WRN: variants seen among roughly 807,000 people sequenced by gnomAD.
The protein encoded by WRN is bifunctional 3'-5' exonuclease/ATP-dependent helicase WRN.
WRN carries 149 observed loss-of-function variants against 180.7 expected under a neutral mutation model. The ratio of observed to expected loss-of-function variants is 0.82; its 90% CI spans 0.72 to 0.94. The LOEUF is 0.94. WRN is among the 40% of genes least tolerant of loss of function. The probability of loss-of-function intolerance (pLI) is 0.00; values close to 1 mark genes in which losing one functional copy is unlikely to be tolerated. For missense variants in WRN, 1,661 were observed against 1,700.1 expected (o/e 0.98, Z 0.40); for synonymous variants, 548 against 568.9 (o/e 0.96, Z 0.52).
At chr8:31,063,329 A>G (rs1208630146) in intron 3 of WRN, among the ~76,000 whole-genome samples, 2 of 152,156 alleles carry the variant, frequency 1.3e-5, no homozygotes, top group Non-Finnish European at 1.5e-5. Flanking sequence ...ATATCTTACT[A>G]TGTTTCATTA....
intron 28 of WRN, among the ~76,000 whole-genome samples, chr8:31,144,229 T>C (rs1169191607): frequency 6.6e-6 from 1 of 152,204 alleles, no homozygotes; most frequent in Non-Finnish European, 1.5e-5. Context: ...TTGGTAGTTC[T>C]TGACTGGCCA....
chr8:31,098,327 G>T (rs1480155559), intron 17 of WRN, among the ~76,000 whole-genome samples: 1 of 152,100 alleles, frequency 6.6e-6, no homozygotes, highest in Non-Finnish European at 1.5e-5. Context: ...AGTGGTTTGG[G>T]TACGTTTTTA....
In WRN at chr8:31,060,068, T is replaced by G. The variant is rs371332347; in HGVS notation, c.209+803T>G. Among the ~76,000 whole-genome samples, 36 of 148,540 alleles carry G rather than the reference T, an allele frequency of 2.4e-4. 1 individual carries two copies. In the East Asian group the frequency reaches 4.6e-3, roughly 19 times the overall value. On this transcript the variant is annotated intron_variant, in intron 3 of 34. Transcript: ENST00000298139. Reference sequence around the variant, plus strand: ...GAGGCTCCGTCTCAAAAAAAAAAAATCCAAAAAAACAACCCCACAAACAAA... The same window carrying G: ...GAGGCTCCGTCTCAAAAAAAAAAAAGCCAAAAAAACAACCCCACAAACAAA...
At chr8:31,093,452 T>G (rs750117040) in intron 16 of WRN, among the ~76,000 whole-genome samples, 1 of 152,190 alleles carries the variant, frequency 6.6e-6, no homozygotes, top group Non-Finnish European at 1.5e-5. Flanking sequence ...TTTATTGTAT[T>G]TCATTGAATA....
intron 13 of WRN, among the ~76,000 whole-genome samples, chr8:31,089,676 C>T (rs1314222153): frequency 6.6e-6 from 1 of 151,906 alleles, no homozygotes; most frequent in East Asian, 1.9e-4. Flanking sequence ...AAGAATAGGT[C>T]AGTAACAGCA....
rs955112800 is a variant in WRN at position 31,174,946 on chromosome 8, G to A, written c.*1844G>A. ...TTTCTTTCTTTCAAGCAGTCCTCCC[G>A]CCTCAGTCCCCCAAAATAGTGGGAT... On this transcript the variant is annotated 3_prime_UTR_variant, in exon 35 of 35. Transcript: ENST00000298139. 6.8e-5 allele frequency among the ~76,000 whole-genome samples: 10 copies of A among 147,748 alleles called. No homozygotes were observed. The highest frequency in any genetic ancestry group is 2.3e-4 in the African/African-American group (9 of 39,984).
intron 17 of WRN, among the ~76,000 whole-genome samples, chr8:31,098,639 T>A (rs1163681130): frequency 6.6e-6 from 1 of 152,250 alleles, no homozygotes. Context: ...ATACGCAGGA[T>A]ATTATTTGTA....
Position 31,167,158 on chromosome 8 carries a change from A to G in WRN, c.4119A>G (p.Arg1373=), listed in dbSNP as rs1306232450. 3 of 1,613,362 alleles carry G rather than the reference A, an allele frequency of 1.9e-6. No homozygotes were observed. Among genetic ancestry groups the G allele is most frequent in the East Asian group, 2.2e-5 (1 of 44,848 alleles). The change falls in exon 34 of 35, where the codon AGA becomes AGG. Residue 1373 remains arginine (R), a synonymous_variant. Transcript: ENST00000298139. ...LQPSCDVNKR[R]CFPGSEEICS... is the part of the protein sequence containing the mutation. ...CTTCATGTGATGTCAACAAAAGGAGATGTTTTCCCGGTTCTGAAGAGATCT... is the reference window on the plus strand; with the variant it reads ...CTTCATGTGATGTCAACAAAAGGAGGTGTTTTCCCGGTTCTGAAGAGATCT...
intron 19 of WRN, 54 bp downstream of exon 19, chr8:31,111,853 A>T (rs2130285308): frequency 7.0e-7 from 1 of 1,435,510 alleles, no homozygotes; most frequent in Non-Finnish European, 9.7e-7. Context: ...TTTTTTTTTT[A>T]ACAACTTATG....
At chr8:31,115,526 T>A (rs1284793342) in intron 19 of WRN, among the ~76,000 whole-genome samples, 4 of 152,240 alleles carry the variant, frequency 2.6e-5, no homozygotes, top group African/African-American at 7.2e-5. Flanking sequence ...TTTGTTTACA[T>A]TTATCTTTTG....
At chr8:31,073,171 G>A (rs55851604) in intron 7 of WRN, among the ~76,000 whole-genome samples, 11,629 of 152,304 alleles carry the variant, frequency 0.076, 504 homozygotes, top group African/African-American at 0.13. Flanking sequence ...GTTGTCGTAA[G>A]AGGAAAAATA....
At chr8:31,172,629 A>G (rs1804145943) in intron 34 of WRN, among the ~76,000 whole-genome samples, 1 of 152,234 alleles carries the variant, frequency 6.6e-6, no homozygotes, top group African/African-American at 2.4e-5. Context: ...GTATGTATAC[A>G]TGCCCAGGCA....
chr8:31,124,732 T>C, intron 22 of WRN, 109 bp downstream of exon 22: 1 of 1,259,696 alleles, frequency 7.9e-7, no homozygotes, highest in South Asian at 1.3e-5. Context: ...ATTTTGTTGC[T>C]GTTACATGTG....
intron 7 of WRN, among the ~76,000 whole-genome samples, chr8:31,073,855 G>A (rs1008641165): frequency 3.3e-5 from 5 of 152,080 alleles, no homozygotes; most frequent in African/African-American, 1.2e-4. Context: ...GGGAGGTTGA[G>A]TGAGATGAGA....
chr8:31,109,217 G>A (rs957799928), intron 18 of WRN, among the ~76,000 whole-genome samples: 2 of 152,198 alleles, frequency 1.3e-5, no homozygotes, highest in African/African-American at 2.4e-5. Context: ...GGGCTCAGAG[G>A]CTGTGACAAC....
At chr8:31,041,675 T>C (rs2129918030) in intron 1 of WRN, among the ~76,000 whole-genome samples, 2 of 152,162 alleles carry the variant, frequency 1.3e-5, no homozygotes, top group Admixed American at 1.3e-4. Flanking sequence ...GGAGGAGATA[T>C]GAAGTTTAAG....
chr8:31,076,157 T>A lies in WRN; in HGVS notation c.725-16T>A. ...TTTGTGGTTTGAAAATTAATATTGATTTTTTTTCCCCCTAGAGGAAGAAAT... is the reference window on the plus strand; with the variant it reads ...TTTGTGGTTTGAAAATTAATATTGAATTTTTTTCCCCCTAGAGGAAGAAAT... On this transcript the variant is annotated splice_polypyrimidine_tract_variant and intron_variant, in intron 7 of 34. Coordinates refer to ENST00000298139, the MANE Select transcript of WRN (RefSeq NM_000553.6). 4.4e-6 allele frequency: 7 copies of A among 1,575,150 alleles called. No homozygotes were observed. Among genetic ancestry groups the A allele is most frequent in the Non-Finnish European group, 6.1e-6 (7 of 1,146,652 alleles).
At position 31,088,897 on chromosome 8, in the gene WRN, G is replaced by C; in HGVS notation, c.1584G>C (p.Leu528Phe). ...ATTTTATTTTATTTCCAGACTTTTT[G>C]TGGCCAGCACCCAATGAAGAGCAAG... ...EGEEDDDKDF[L>F]WPAPNEEQVT... Residue 528 changes from leucine to phenylalanine, a missense_variant, in exon 13 of 35, where the codon TTG (leucine) becomes TTC (phenylalanine). By Grantham distance (22) the Leu-to-Phe change is conservative. This residue lies in a region of WRN where 1,141 missense variants were observed against 1,149.4 expected (regional missense o/e 0.99). Coordinates refer to ENST00000298139, the MANE Select transcript of WRN (RefSeq NM_000553.6). 2 of 1,610,074 alleles carry C rather than the reference G, an allele frequency of 1.2e-6. No homozygotes were observed. The highest frequency in any genetic ancestry group is 1.7e-6 in the Non-Finnish European group (2 of 1,177,984).
chr8:31,069,324 C>A (rs1390275890), intron 7 of WRN, among the ~76,000 whole-genome samples: 1 of 152,198 alleles, frequency 6.6e-6, no homozygotes, highest in African/African-American at 2.4e-5. Context: ...TCTTACTTCT[C>A]CTCCCTGGAG....
Sources: gnomAD v4.1 joint callset for allele counts (sites outside exome capture counted in the v4.1 genomes callset) on GRCh38, gnomAD v4.1.1 for gene constraint, gnomAD v4.1.1 regional missense constraint, MANE v1.5 for transcripts, NCBI Gene and HGNC (gene_info 2026-07-23, HGNC 2026-07-21) for gene names.